ADARB2: variants seen among roughly 807,000 people sequenced by gnomAD.
The protein encoded by ADARB2 is adenosine deaminase RNA specific B2 (inactive), also known as inactive double-stranded RNA-specific editase B2.
ADARB2 carries 25 observed loss-of-function variants against 62.2 expected under a neutral mutation model. The observed-to-expected ratio is 0.40, with a 90% confidence interval of 0.29 to 0.56. ADARB2 has a LOEUF of 0.56. Among genes scored for constraint, ADARB2 ranks in the 20% least tolerant of loss-of-function variants. ADARB2 has a pLI of 0.43. For missense variants in ADARB2, 1,071 were observed against 1,077.4 expected (o/e 0.99, Z 0.08); for synonymous variants, 572 against 500.8 (o/e 1.14, Z -1.90).
chr10:1,668,810 T>C (rs746015996), intron 1 of ADARB2, among the ~76,000 whole-genome samples: 9 of 152,240 alleles, frequency 5.9e-5, no homozygotes, highest in Non-Finnish European at 1.2e-4. Context: ...AGAGCTTTCT[T>C]TCTAAATAAA....
chr10:1,691,871 GCT>G (rs1213204605), intron 1 of ADARB2, among the ~76,000 whole-genome samples: 1 of 151,932 alleles, frequency 6.6e-6, no homozygotes, highest in African/African-American at 2.4e-5. Flanking sequence ...AGTCACCTGT[GCT>G]CTCTCAGCCT....
intron 1 of ADARB2, among the ~76,000 whole-genome samples, chr10:1,706,174 G>A (rs993444982): frequency 2.0e-5 from 3 of 152,176 alleles, no homozygotes; most frequent in Admixed American, 1.3e-4. Context: ...TTGCTAAAAC[G>A]CTAGTGTTTT....
At chr10:1,222,720 G>A (rs543013452) in intron 6 of ADARB2, among the ~76,000 whole-genome samples, 2 of 149,302 alleles carry the variant, frequency 1.3e-5, no homozygotes, top group African/African-American at 5.1e-5. Context: ...AAGATCAGAT[G>A]GTTGTAGATA....
intron 1 of ADARB2, among the ~76,000 whole-genome samples, chr10:1,518,057 T>C (rs901580052): frequency 6.6e-6 from 1 of 152,120 alleles, no homozygotes; most frequent in Non-Finnish European, 1.5e-5. Context: ...AATTTAAGCA[T>C]AGAAAGACAG....
intron 1 of ADARB2, among the ~76,000 whole-genome samples, chr10:1,637,599 G>A (rs1040233275): frequency 6.6e-6 from 1 of 152,152 alleles, no homozygotes; most frequent in African/African-American, 2.4e-5. Flanking sequence ...GCAACATGTA[G>A]GGAAAGTATT....
chr10:1,559,189 C>A (rs1353494621), intron 1 of ADARB2, among the ~76,000 whole-genome samples: 1 of 152,192 alleles, frequency 6.6e-6, no homozygotes, highest in Non-Finnish European at 1.5e-5. Context: ...TTGCTTCTCC[C>A]CACCCAGGAC....
At chr10:1,636,141 G>A (rs936398073) in intron 1 of ADARB2, among the ~76,000 whole-genome samples, 2 of 152,124 alleles carry the variant, frequency 1.3e-5, no homozygotes, top group African/African-American at 2.4e-5. Flanking sequence ...ATAGCTCAAC[G>A]GAGCGAGTTG....
chr10:1,583,788 G>C (rs1833137511), intron 1 of ADARB2, among the ~76,000 whole-genome samples: 1 of 152,178 alleles, frequency 6.6e-6, no homozygotes, highest in South Asian at 2.1e-4. Context: ...CAATGCTGAA[G>C]GAGAAGCACC....
At chr10:1,247,748 G>T (rs1249826672) in intron 4 of ADARB2, among the ~76,000 whole-genome samples, 1 of 152,186 alleles carries the variant, frequency 6.6e-6, no homozygotes, top group East Asian at 1.9e-4. Context: ...AGGGGACAGC[G>T]CGAGGGTGCT....
intron 1 of ADARB2, among the ~76,000 whole-genome samples, chr10:1,734,090 T>C (rs947857464): frequency 1.3e-5 from 2 of 152,024 alleles, no homozygotes; most frequent in Non-Finnish European, 2.9e-5. Context: ...ATTTAAACCA[T>C]TTATGAATAA....
intron 1 of ADARB2, among the ~76,000 whole-genome samples, chr10:1,506,397 A>G (rs1831853762): frequency 1.3e-5 from 2 of 152,344 alleles, no homozygotes; most frequent in South Asian, 2.1e-4. Context: ...CAGGAAGCCC[A>G]CAGGCTGTTC....
In ADARB2 at chr10:1,719,021, C is replaced by T. The variant is rs183919922; in HGVS notation, c.100+18030G>A. On this transcript the variant is annotated intron_variant, in intron 1 of 9. Coordinates refer to ENST00000381312, the MANE Select transcript of ADARB2 (RefSeq NM_018702.4). ...TTTTGAGACGGCTGGAGTGCAGTGGCGTGATGTCAGCTCGCTGCAACCTCT... is the reference window on the plus strand; with the variant it reads ...TTTTGAGACGGCTGGAGTGCAGTGGTGTGATGTCAGCTCGCTGCAACCTCT... 2.2e-4 allele frequency among the ~76,000 whole-genome samples: 34 copies of T among 152,170 alleles called. No homozygotes were observed. In the East Asian group the frequency reaches 5.2e-3, roughly 23 times the overall value.
chr10:1,528,742 G>A (rs1588288955), intron 1 of ADARB2, among the ~76,000 whole-genome samples: 1 of 152,200 alleles, frequency 6.6e-6, no homozygotes, highest in East Asian at 1.9e-4. Context: ...GTCATGTTTG[G>A]TCAGAAGCTG....
intron 1 of ADARB2, among the ~76,000 whole-genome samples, chr10:1,469,983 G>A (rs560504552): frequency 1.3e-5 from 2 of 152,222 alleles, no homozygotes; most frequent in South Asian, 4.2e-4. Flanking sequence ...CAGGGGGCAT[G>A]AGGCCGGCGT....
rs558521365 is a variant in ADARB2, at chr10:1,418,525, C to T, written c.101-39365G>A. Among the ~76,000 whole-genome samples the T allele has an allele frequency of 7.2e-5, 11 of 152,296 alleles. 1 individual carries two copies. The highest frequency in any genetic ancestry group is 6.8e-3 in the Middle Eastern group (2 of 294). ...ATGTCACTTAACTAATTTCCTTCCA[C>T]GCACCAACAAAATAATTGGAATGGC... On this transcript the variant is annotated intron_variant, in intron 1 of 9. Coordinates refer to ENST00000381312, the MANE Select transcript of ADARB2 (RefSeq NM_018702.4).
At chr10:1,466,917 G>T (rs1268050071) in intron 1 of ADARB2, among the ~76,000 whole-genome samples, 6 of 152,080 alleles carry the variant, frequency 3.9e-5, no homozygotes, top group Admixed American at 6.5e-5. Flanking sequence ...TTGACTTCAG[G>T]GTGGTTGGAG....
At chr10:1,705,646 G>A (rs972729914) in intron 1 of ADARB2, among the ~76,000 whole-genome samples, 18 of 152,348 alleles carry the variant, frequency 1.2e-4, no homozygotes, top group East Asian at 3.9e-4. Context: ...GGCAATTAAG[G>A]TGAAGCAATC....
intron 1 of ADARB2, among the ~76,000 whole-genome samples, chr10:1,621,238 AT>A (rs1314384272): frequency 1.3e-5 from 2 of 152,244 alleles, no homozygotes; most frequent in Non-Finnish European, 2.9e-5. Context: ...TCAACAAAAA[AT>A]ATATTAGAAC....
chr10:1,627,707 T>C (rs1833788368), intron 1 of ADARB2, among the ~76,000 whole-genome samples: 2 of 152,228 alleles, frequency 1.3e-5, no homozygotes, highest in Non-Finnish European at 2.9e-5. Context: ...AGGGGTTTTC[T>C]CTGGCTTTTC....
Sources: allele counts gnomAD v4.1 joint callset (sites outside exome capture counted in the v4.1 genomes callset), GRCh38; gene constraint gnomAD v4.1.1; transcripts MANE v1.5; gene names NCBI Gene and HGNC (gene_info 2026-07-23, HGNC 2026-07-21).